The following DSG1 variants were observed in gnomAD, a reference collection of about 807,000 sequenced individuals.
The protein encoded by DSG1 is desmoglein 1, also known as desmoglein-1.
In DSG1, 39 loss-of-function variants were observed where a neutral mutation model predicts 97.5. The ratio of observed to expected loss-of-function variants is 0.40; its 90% CI spans 0.31 to 0.52. DSG1 has a LOEUF of 0.52. Among genes scored for constraint, DSG1 ranks in the 20% least tolerant of loss-of-function variants. The pLI is 0.53. For missense variants in DSG1, 1,311 were observed against 1,295.4 expected, an observed-to-expected ratio of 1.01 and a Z score of -0.18; for synonymous variants, 475 against 443.4, an observed-to-expected ratio of 1.07 and a Z score of -0.90.
At chr18:31,353,042 T>C (rs1458972473) in intron 14 of DSG1, among the ~76,000 whole-genome samples, 3 of 149,516 alleles carry the variant, frequency 2.0e-5, no homozygotes, top group Admixed American at 6.7e-5. Flanking sequence ...GGAGGAGAGG[T>C]GCTCTGCTTT....
intron 4 of DSG1, among the ~76,000 whole-genome samples, chr18:31,329,393 A>C (rs577178470): frequency 6.6e-6 from 1 of 152,092 alleles, no homozygotes; most frequent in East Asian, 1.9e-4. Flanking sequence ...GCCTGCCTGT[A>C]TTCCTCACAC....
At chr18:31,322,585 T>C (rs1407052339) in intron 1 of DSG1, among the ~76,000 whole-genome samples, 1 of 152,228 alleles carries the variant, frequency 6.6e-6, no homozygotes, top group African/African-American at 2.4e-5. Flanking sequence ...AACCTCAGAC[T>C]GATACCCTTT....
rs1239411999 is a variant in DSG1 at position 31,358,710 on chromosome 18, A to G, written c.*3364A>G. Among the ~76,000 whole-genome samples, 1 of 152,028 alleles carries G rather than the reference A, an allele frequency of 6.6e-6. No homozygotes were observed. The highest frequency in any genetic ancestry group is 1.5e-5 in the Non-Finnish European group (1 of 67,938). On this transcript the variant is annotated 3_prime_UTR_variant, in exon 15 of 15. Transcript: ENST00000257192. ...GAAAGACATTTAAGACCCAAAGCAAACTTTTAAAAGTATTTGCCACATTTT... is the reference window on the plus strand; with the variant it reads ...GAAAGACATTTAAGACCCAAAGCAAGCTTTTAAAAGTATTTGCCACATTTT...
chr18:31,319,720 A>G (rs2071641705), intron 1 of DSG1, among the ~76,000 whole-genome samples: 1 of 152,214 alleles, frequency 6.6e-6, no homozygotes, highest in South Asian at 2.1e-4. Context: ...AGATAGGTGT[A>G]CACTAACTTT....
chr18:31,330,108 G>C (rs1041109891), intron 5 of DSG1, 72 bp downstream of exon 5: 5 of 1,534,106 alleles, frequency 3.3e-6, no homozygotes, highest in African/African-American at 1.4e-5. Flanking sequence ...CTATGTCAAA[G>C]TACACATCAT....
chr18:31,345,868 T>G lies in DSG1; in HGVS notation c.1892-122T>G, dbSNP rs570918983. ...TATCTCCTTTCTTTATGTATTATCT[T>G]TTTATTTCTTTGTTCACAAATGCAT... On this transcript the variant is annotated intron_variant, in intron 13 of 14. Transcript: ENST00000257192. 315 of 722,306 alleles carry G rather than the reference T, an allele frequency of 4.4e-4. No homozygotes were observed. In the African/African-American group the frequency reaches 5.2e-3, roughly 12 times the overall value. The allele number at this position is 722,306 out of a possible 1,614,324, so 44.7% of individuals were successfully genotyped here. A position where few individuals can be genotyped will look rare whatever the true frequency, so the allele number is the denominator to read the frequency against.
chr18:31,337,633 T>A (rs1448336511), intron 9 of DSG1, among the ~76,000 whole-genome samples: 1 of 152,200 alleles, frequency 6.6e-6, no homozygotes, highest in Non-Finnish European at 1.5e-5. Context: ...TGTCACACTG[T>A]ACCATGTTGC....
rs550842833 is a variant in DSG1 at position 31,347,441 on chromosome 18, T to C, written c.2100+1243T>C. ...TATGCTTCTGTGTTGTCTGTCTCAC[T>C]CACCCAAAATGTAAGCTCTGTGAGA... On this transcript the variant is annotated intron_variant, in intron 14 of 14. Coordinates refer to ENST00000257192, the MANE Select transcript of DSG1 (RefSeq NM_001942.4). Among the ~76,000 whole-genome samples the C allele has an allele frequency of 3.9e-5, 6 of 152,300 alleles. No homozygotes were observed. In the South Asian group the frequency reaches 1.2e-3, roughly 32 times the overall value.
In DSG1 at chr18:31,321,575, G is replaced by A. The variant is rs190393497; in HGVS notation, c.48+3227G>A. On this transcript the variant is annotated intron_variant, in intron 1 of 14. Transcript: ENST00000257192. ...TTATTTCGCTGTAGATTTAGGATTA[G>A]CATCTTCTATCACCTTTACAGAAAC... Among the ~76,000 whole-genome samples the A allele has an allele frequency of 5.3e-5, 8 of 152,256 alleles. No individual in the cohort carries two copies. In the South Asian group the frequency reaches 8.3e-4, roughly 16 times the overall value.
chr18:31,353,672 G>GTGCGC (rs1406222740), intron 14 of DSG1, among the ~76,000 whole-genome samples: 1 of 152,176 alleles, frequency 6.6e-6, no homozygotes, highest in Non-Finnish European at 1.5e-5. Context: ...TAATCTCGTG[G>GTGCGC]TGCGCCGTTT....
rs1389051676 is a variant in DSG1, at chr18:31,352,702, C to T, written c.2101-1595C>T. Among the ~76,000 whole-genome samples, 6 of 149,306 alleles carry T rather than the reference C, an allele frequency of 4.0e-5. No homozygotes were observed. The East Asian group carries it at 7.8e-4, about 19-fold the overall frequency. On this transcript the variant is annotated intron_variant, in intron 14 of 14. Transcript: ENST00000257192. ...TCTTTTTTCTCTAAACTTCCCTTCT[C>T]GCTTCATTTCATTCATTTCATCTTC...
At chr18:31,344,955 A>C (rs985334807) in intron 13 of DSG1, among the ~76,000 whole-genome samples, 1 of 152,186 alleles carries the variant, frequency 6.6e-6, no homozygotes, top group Non-Finnish European at 1.5e-5. Context: ...AGAACTCGAC[A>C]CAGTAGTCTT....
chr18:31,343,922 T>C lies in DSG1; in HGVS notation c.1822-4T>C. 6.2e-7 allele frequency: 1 copy of C among 1,609,268 alleles called. No homozygotes were observed. The highest frequency in any genetic ancestry group is 8.5e-7 in the Non-Finnish European group (1 of 1,175,722). The stretch of plus-strand genomic sequence containing the variant: ...AAATGGAAATGTTGTTTCCTGTCTT[T>C]TAGGATATAACCACTGTCATACCAC... On this transcript the variant is annotated splice_region_variant and splice_polypyrimidine_tract_variant and intron_variant, in intron 12 of 14. Coordinates refer to ENST00000257192, the MANE Select transcript of DSG1 (RefSeq NM_001942.4).
intron 10 of DSG1, among the ~76,000 whole-genome samples, chr18:31,339,123 C>A (rs1451985502): frequency 6.6e-6 from 1 of 152,046 alleles, no homozygotes; most frequent in Non-Finnish European, 1.5e-5. Context: ...GATGAATGCA[C>A]AAGATGTTAA....
Position 31,355,001 on chromosome 18 carries a change from T to C in DSG1, c.2805T>C (p.Gly935=), listed in dbSNP as rs762997870. The change falls in exon 15 of 15, where the codon GGT becomes GGC. Residue 935 remains glycine, a synonymous_variant. Transcript: ENST00000257192. ...RVIQPTSGMI[G]SLSMHPELAN... is the part of the protein sequence containing the mutation. ...TCCAACCAACTTCCGGCATGATAGG[T>C]AGTCTGAGTATGCACCCCGAGTTAG... 5.0e-6 allele frequency: 8 copies of C among 1,614,012 alleles called. No homozygotes were observed. In the East Asian group the frequency reaches 1.8e-4, roughly 36 times the overall value.
At chr18:31,350,972 G>T (rs1568048622) in intron 14 of DSG1, among the ~76,000 whole-genome samples, 1 of 149,880 alleles carries the variant, frequency 6.7e-6, no homozygotes. Flanking sequence ...ATTTCCTTCA[G>T]TTCTGCTCTG....
chr18:31,353,499 C>G (rs925356300), intron 14 of DSG1, among the ~76,000 whole-genome samples: 1 of 152,190 alleles, frequency 6.6e-6, no homozygotes, highest in Non-Finnish European at 1.5e-5. Context: ...GGGCTCCACC[C>G]AGTTCGAGCT....
intron 11 of DSG1, 86 bp from the exon 12 acceptor site, chr18:31,343,364 T>G (rs1223440855): frequency 6.4e-7 from 1 of 1,572,998 alleles, no homozygotes; most frequent in Non-Finnish European, 8.7e-7. Context: ...TATTACGAAT[T>G]CAAATTTAAC....
chr18:31,321,780 T>C (rs572001991), intron 1 of DSG1, among the ~76,000 whole-genome samples: 14 of 152,254 alleles, frequency 9.2e-5, no homozygotes, highest in African/African-American at 3.4e-4. Context: ...ATCTAGAAAA[T>C]TATCTTATCT....
Sources: gnomAD v4.1 joint callset for allele counts (sites outside exome capture counted in the v4.1 genomes callset) on GRCh38, gnomAD v4.1.1 for gene constraint, MANE v1.5 for transcripts, NCBI Gene and HGNC (gene_info 2026-07-23, HGNC 2026-07-21) for gene names.